Variants in CCDC178 observed in about 807,000 individuals in gnomAD.
CCDC178 encodes the protein coiled-coil domain-containing protein 178.
CCDC178 carries 126 observed loss-of-function variants against 117.4 expected under a neutral mutation model. That is an observed-to-expected ratio of 1.07 (90% CI 0.93 to 1.24). The LOEUF is 1.24. Among genes scored for constraint, CCDC178 ranks in the 50% most tolerant of loss-of-function variants. The probability of loss-of-function intolerance (pLI) is 0.00; values close to 1 mark genes in which losing one functional copy is unlikely to be tolerated. For synonymous variants in CCDC178, 283 were observed against 313.4 expected (o/e 0.90, Z 1.02); for missense variants, 1,030 against 986.9 (o/e 1.04, Z -0.59).
At chr18:32,977,799 TC>T (rs1188778315) in intron 21 of CCDC178, among the ~76,000 whole-genome samples, 2 of 151,952 alleles carry the variant, frequency 1.3e-5, no homozygotes, top group South Asian at 4.2e-4. Flanking sequence ...CCTTATTATT[TC>T]CCCCAAGAGA....
chr18:33,176,139 C>T (rs1234171860), intron 20 of CCDC178, among the ~76,000 whole-genome samples: 1 of 152,072 alleles, frequency 6.6e-6, no homozygotes, highest in East Asian at 1.9e-4. Context: ...ACCTGATAAC[C>T]TTTCATTTTA....
At chr18:32,939,008 A>T (rs527978602) in intron 22 of CCDC178, among the ~76,000 whole-genome samples, 51 of 152,198 alleles carry the variant, frequency 3.4e-4, no homozygotes, top group Non-Finnish European at 4.7e-4. Context: ...CATACGTCTC[A>T]TCCCTTCAGT....
chr18:33,242,207 T>G (rs2059496606), intron 15 of CCDC178, among the ~76,000 whole-genome samples: 1 of 151,646 alleles, frequency 6.6e-6, no homozygotes, highest in Non-Finnish European at 1.5e-5. Context: ...AAACTGGATA[T>G]CCACCTGCAG....
chr18:33,398,903 T>C (rs979235146), intron 3 of CCDC178, among the ~76,000 whole-genome samples: 5 of 152,200 alleles, frequency 3.3e-5, no homozygotes, highest in African/African-American at 1.2e-4. Context: ...ATTGTTTATG[T>C]CTAAACAATA....
At chr18:33,351,789 G>C (rs944633475) in intron 7 of CCDC178, among the ~76,000 whole-genome samples, 1 of 151,718 alleles carries the variant, frequency 6.6e-6, no homozygotes, top group African/African-American at 2.4e-5. Context: ...CTGGGCTCAA[G>C]TGATCCTCTG....
intron 10 of CCDC178, among the ~76,000 whole-genome samples, chr18:33,330,880 T>C (rs1454909710): frequency 6.6e-6 from 1 of 152,104 alleles, no homozygotes. Context: ...AATCTACCAA[T>C]TCAAATGTGA....
At chr18:33,144,336 T>C (rs569904759) in intron 20 of CCDC178, among the ~76,000 whole-genome samples, 58 of 152,254 alleles carry the variant, frequency 3.8e-4, no homozygotes, top group Middle Eastern at 3.4e-3. Flanking sequence ...CTATTTTACA[T>C]ACCTGCTCCT....
At chr18:33,244,145 C>A (rs1255807534) in intron 15 of CCDC178, among the ~76,000 whole-genome samples, 1 of 151,944 alleles carries the variant, frequency 6.6e-6, no homozygotes, top group Non-Finnish European at 1.5e-5. Flanking sequence ...ATTTACACAT[C>A]CGAAATTCAG....
intron 14 of CCDC178, among the ~76,000 whole-genome samples, chr18:33,257,653 T>C (rs2059696961): frequency 6.6e-6 from 1 of 152,084 alleles, no homozygotes; most frequent in Admixed American, 6.6e-5. Context: ...AAGTGTTCTG[T>C]AGCAAAAAAC....
In CCDC178 at chr18:33,168,797, A is replaced by G. The variant is rs566933707; in HGVS notation, c.2238+43099T>C. Among the ~76,000 whole-genome samples the G allele has an allele frequency of 2.0e-5, 3 of 152,340 alleles. No homozygotes were observed. In the South Asian group the frequency reaches 6.2e-4, roughly 32 times the overall value. On this transcript the variant is annotated intron_variant, in intron 20 of 22. Transcript: ENST00000383096. ...AATAACTACTCTTAGTTTGTAAAATATTTTGAGCTGACAGAACTTAATTGG... is the reference window on the plus strand; with the variant it reads ...AATAACTACTCTTAGTTTGTAAAATGTTTTGAGCTGACAGAACTTAATTGG...
chr18:33,183,975 CTCTA>C (rs993354633), intron 20 of CCDC178, among the ~76,000 whole-genome samples: 10 of 151,994 alleles, frequency 6.6e-5, no homozygotes, highest in African/African-American at 1.9e-4. Context: ...CTTATCTGTT[CTCTA>C]TCTATGTTTA....
At chr18:32,972,234 T>A (rs1433334916) in intron 22 of CCDC178, among the ~76,000 whole-genome samples, 1 of 152,170 alleles carries the variant, frequency 6.6e-6, no homozygotes, top group Non-Finnish European at 1.5e-5. Context: ...GTTTTCTGCA[T>A]ATGGCTAGCC....
intron 10 of CCDC178, among the ~76,000 whole-genome samples, chr18:33,329,596 A>G (rs905266722): frequency 2.6e-5 from 4 of 151,936 alleles, no homozygotes; most frequent in African/African-American, 4.8e-5. Flanking sequence ...CATTAAACTG[A>G]TTTATTTTCA....
At chr18:33,123,706 T>C (rs2144223647) in intron 20 of CCDC178, among the ~76,000 whole-genome samples, 1 of 152,266 alleles carries the variant, frequency 6.6e-6, no homozygotes, top group Non-Finnish European at 1.5e-5. Context: ...TCGTTGTGTA[T>C]AGTTATAGTC....
At chr18:33,406,098 A>T (rs982446454) in intron 3 of CCDC178, among the ~76,000 whole-genome samples, 2 of 152,128 alleles carry the variant, frequency 1.3e-5, no homozygotes, top group Non-Finnish European at 2.9e-5. Flanking sequence ...AGATATTAGT[A>T]TCATAAACTT....
Position 32,966,386 on chromosome 18 carries a change from T to C in CCDC178, c.2523+8161A>G, listed in dbSNP as rs1182619260. ...CTACTGTCTATGGCTGCTCTCCTGT[T>C]ACAAGGCAGAGTTGAGTGGTTGCAA... On this transcript the variant is annotated intron_variant, in intron 22 of 22. Transcript: ENST00000383096. Among the ~76,000 whole-genome samples, 4 of 151,882 alleles carry C rather than the reference T, an allele frequency of 2.6e-5. No homozygotes were observed. The East Asian group carries it at 7.7e-4, about 29-fold the overall frequency.
chr18:33,371,076 C>T (rs185639829), intron 5 of CCDC178, among the ~76,000 whole-genome samples: 15 of 151,976 alleles, frequency 9.9e-5, no homozygotes, highest in African/African-American at 2.4e-4. Context: ...AATCCTGTTG[C>T]GTTTTGTTTC....
intron 20 of CCDC178, among the ~76,000 whole-genome samples, chr18:33,093,800 C>G (rs991351510): frequency 6.6e-6 from 1 of 151,824 alleles, no homozygotes; most frequent in Admixed American, 6.6e-5. Context: ...GGGAATCTAT[C>G]CTAAGCAAAA....
chr18:33,349,107 G>A (rs906412626), intron 7 of CCDC178, 132 bp from the exon 8 acceptor site: 2 of 537,056 alleles, frequency 3.7e-6, no homozygotes, highest in East Asian at 3.2e-5. Context: ...TTACTAGATA[G>A]GAGACTAATA....
Sources: allele counts gnomAD v4.1 joint callset (sites outside exome capture counted in the v4.1 genomes callset), GRCh38; gene constraint gnomAD v4.1.1; transcripts MANE v1.5; gene names NCBI Gene and HGNC (gene_info 2026-07-23, HGNC 2026-07-21).